The following SLCO3A1 variants were observed in gnomAD, a reference collection of about 807,000 sequenced individuals.
SLCO3A1 encodes the protein PGE1 transporter.
SLCO3A1 carries 27 observed loss-of-function variants against 63.1 expected under a neutral mutation model. That is an observed-to-expected ratio of 0.43 (90% CI 0.32 to 0.59). The LOEUF (loss-of-function observed/expected upper bound fraction) is 0.59. SLCO3A1 is among the 20% of genes least tolerant of loss of function. The pLI, the probability that SLCO3A1 is intolerant of heterozygous loss-of-function variation, is 0.09. For synonymous variants in SLCO3A1, 473 were observed against 409.9 expected (o/e 1.15, Z -1.86); for missense variants, 773 against 945.8 (o/e 0.82, Z 2.40).
chr15:92,103,076 A>G (rs1270605052), intron 3 of SLCO3A1, among the ~76,000 whole-genome samples: 1 of 152,226 alleles, frequency 6.6e-6, no homozygotes, highest in Non-Finnish European at 1.5e-5. Context: ...TGGCCTTATC[A>G]TTAATGCTAG....
chr15:91,948,046 T>C lies in SLCO3A1; in HGVS notation c.646+31588T>C, dbSNP rs1044320980. ...CAGGGCCGTGGGAGCAGAAGCAGAATTCAGATGACAGATAGACGAATGGAG... is the reference window on the plus strand; with the variant it reads ...CAGGGCCGTGGGAGCAGAAGCAGAACTCAGATGACAGATAGACGAATGGAG... On this transcript the variant is annotated intron_variant, in intron 2 of 9. Transcript: ENST00000318445. The surrounding 1 kb of genome is among the most constrained non-coding windows in gnomAD (Gnocchi z 4.8). 6.6e-6 allele frequency among the ~76,000 whole-genome samples: 1 copy of C among 152,214 alleles called. No individual in the cohort carries two copies. Among genetic ancestry groups the C allele is most frequent in the Non-Finnish European group, 1.5e-5 (1 of 68,044 alleles).
At chr15:92,035,212 T>A (rs541053579) in intron 2 of SLCO3A1, among the ~76,000 whole-genome samples, 1 of 151,836 alleles carries the variant, frequency 6.6e-6, no homozygotes, top group African/African-American at 2.4e-5. Context: ...TGGAGACCCT[T>A]AGATGAATTT....
chr15:91,906,928 GT>G (rs10713499), intron 1 of SLCO3A1, among the ~76,000 whole-genome samples: 98,159 of 147,532 alleles, frequency 0.67, 33,404 homozygotes, highest in East Asian at 0.96. Context: ...TAAATTGAGT[GT>G]TTTTTTTTTT....
At chr15:91,966,197 C>T (rs1900655258) in intron 2 of SLCO3A1, among the ~76,000 whole-genome samples, 1 of 151,942 alleles carries the variant, frequency 6.6e-6, no homozygotes, top group Non-Finnish European at 1.5e-5. Flanking sequence ...GCAGCCCCAG[C>T]CACACCATAA....
chr15:92,082,280 GA>G (rs2047356279), intron 2 of SLCO3A1, among the ~76,000 whole-genome samples: 1 of 152,188 alleles, frequency 6.6e-6, no homozygotes, highest in South Asian at 2.1e-4. Flanking sequence ...GGAGAACTTT[GA>G]GCCTGCAGAT....
At chr15:92,160,461 C>A (rs1256884475) in intron 9 of SLCO3A1, among the ~76,000 whole-genome samples, 1 of 152,082 alleles carries the variant, frequency 6.6e-6, no homozygotes, top group African/African-American at 2.4e-5. Context: ...GACACCTGGG[C>A]AGCCTTTGGG....
At chr15:92,025,779 G>A (rs905152003) in intron 2 of SLCO3A1, among the ~76,000 whole-genome samples, 8 of 152,126 alleles carry the variant, frequency 5.3e-5, no homozygotes, top group Non-Finnish European at 7.3e-5. Flanking sequence ...GAATTCTCCC[G>A]GCCGTGAGTG....
intron 2 of SLCO3A1, among the ~76,000 whole-genome samples, chr15:91,946,134 A>C (rs146258413): frequency 1.3e-4 from 20 of 152,340 alleles, no homozygotes; most frequent in Non-Finnish European, 2.6e-4. Context: ...GTGTGTCCCC[A>C]GGTCACCTTG....
At chr15:92,140,577 G>T (rs1335095153) in intron 7 of SLCO3A1, among the ~76,000 whole-genome samples, 1 of 152,132 alleles carries the variant, frequency 6.6e-6, no homozygotes, top group African/African-American at 2.4e-5. Flanking sequence ...TGACAGTGGG[G>T]TGTTACAAGT....
chr15:92,164,770 G>A lies in SLCO3A1; in HGVS notation c.*1635G>A. On this transcript the variant is annotated 3_prime_UTR_variant, in exon 10 of 10. Coordinates refer to ENST00000318445, the MANE Select transcript of SLCO3A1 (RefSeq NM_013272.4). ...TCAGAGAATGAACCTGTTATGATTT[G>A]GGGTAAGAATCACGTTGGAAAACCT... 1 of 985,358 alleles carries A rather than the reference G, an allele frequency of 1.0e-6. No individual in the cohort carries two copies. The highest frequency in any genetic ancestry group is 1.2e-6 in the Non-Finnish European group (1 of 829,930). 61.0% of individuals were successfully genotyped at this position (985,358 alleles called of 1,614,324 possible).
At chr15:92,170,997 C>G (rs949471178) in intron 10 of SLCO3A1, 8 of 152,172 alleles carry the variant, frequency 5.3e-5, no homozygotes, top group African/African-American at 1.9e-4. Context: ...CGAACTTGCC[C>G]AGGACTCAGG....
chr15:92,013,799 C>T (rs1014601759), intron 2 of SLCO3A1, among the ~76,000 whole-genome samples: 1 of 152,152 alleles, frequency 6.6e-6, no homozygotes, highest in Admixed American at 6.5e-5. Flanking sequence ...GGTTTAATTC[C>T]TGGACCTGCG....
chr15:92,081,929 G>A (rs1035404564), intron 2 of SLCO3A1, among the ~76,000 whole-genome samples: 1 of 152,242 alleles, frequency 6.6e-6, no homozygotes, highest in Non-Finnish European at 1.5e-5. Flanking sequence ...TCTGATCTAA[G>A]AGGTCAACAG....
intron 1 of SLCO3A1, among the ~76,000 whole-genome samples, chr15:91,881,097 T>C (rs568194198): frequency 9.1e-4 from 139 of 152,256 alleles, no homozygotes; most frequent in Non-Finnish European, 1.7e-3. Context: ...CTTACAAGAA[T>C]TGATGGGAGA....
At chr15:92,152,542 A>G (rs538071600) in intron 9 of SLCO3A1, among the ~76,000 whole-genome samples, 1 of 152,324 alleles carries the variant, frequency 6.6e-6, no homozygotes, top group South Asian at 2.1e-4. Flanking sequence ...CTTCCTGGGA[A>G]GCTGTAGTAG....
In SLCO3A1 at chr15:91,967,203, C is replaced by T. The variant is rs971144726; in HGVS notation, c.646+50745C>T. ...ATTATTAGATGGTAGGAAACTATGTCTAAATAAACCCAGTGAGTTGTTACA... is the reference window on the plus strand; with the variant it reads ...ATTATTAGATGGTAGGAAACTATGTTTAAATAAACCCAGTGAGTTGTTACA... On this transcript the variant is annotated intron_variant, in intron 2 of 9. Transcript: ENST00000318445. The surrounding 1 kb of genome is among the most constrained non-coding windows in gnomAD (Gnocchi z 4.4). Among the ~76,000 whole-genome samples the T allele has an allele frequency of 6.6e-6, 1 of 152,108 alleles. No homozygotes were observed. The highest frequency in any genetic ancestry group is 1.5e-5 in the Non-Finnish European group (1 of 68,016).
At chr15:92,158,899 T>C (rs2048403506) in intron 9 of SLCO3A1, among the ~76,000 whole-genome samples, 1 of 152,190 alleles carries the variant, frequency 6.6e-6, no homozygotes, top group African/African-American at 2.4e-5. Flanking sequence ...AGCCAATATT[T>C]TCACTATTCA....
At chr15:91,869,151 A>G (rs1426726831) in intron 1 of SLCO3A1, among the ~76,000 whole-genome samples, 1 of 152,148 alleles carries the variant, frequency 6.6e-6, no homozygotes, top group Non-Finnish European at 1.5e-5. Context: ...CTGTAATCCC[A>G]GTACTTTGGA....
chr15:92,130,917 A>T (rs1596128448), intron 7 of SLCO3A1, among the ~76,000 whole-genome samples: 1 of 144,974 alleles, frequency 6.9e-6, no homozygotes, highest in Non-Finnish European at 1.5e-5. Flanking sequence ...AAACTCTTTG[A>T]CAAGCTAAAA....
Sources: gnomAD v4.1 joint callset for allele counts (sites outside exome capture counted in the v4.1 genomes callset) on GRCh38, gnomAD v4.1.1 for gene constraint, Gnocchi (gnomAD v3.1) non-coding constraint, MANE v1.5 for transcripts, NCBI Gene and HGNC (gene_info 2026-07-23, HGNC 2026-07-21) for gene names.